Variants in IL13RA1 observed in about 807,000 individuals in gnomAD.
The protein encoded by IL13RA1 is interleukin-13 receptor subunit alpha-1.
Under a neutral mutation model 33.8 loss-of-function variants are expected in IL13RA1, and 14 were observed. The ratio of observed to expected loss-of-function variants is 0.41; its 90% CI spans 0.27 to 0.65. The LOEUF is 0.65. IL13RA1 is among the 30% of genes least tolerant of loss of function. IL13RA1 has a pLI of 0.28. For missense variants in IL13RA1, 313 were observed against 327.0 expected (o/e 0.96, Z 0.33); for synonymous variants, 116 against 115.7 (o/e 1.00, Z -0.02).
At chrX:118,752,893 TAAG>T (rs1473799092) in intron 4 of IL13RA1, among the ~76,000 whole-genome samples, 2 of 112,099 alleles carry the variant, frequency 1.8e-5, no homozygotes, top group East Asian at 2.8e-4. Context: ...TAAGCCTTAC[TAAG>T]AAGGAGTAGC....
chrX:118,727,791 A>C (rs1345911929), intron 1 of IL13RA1, 65 bp downstream of exon 1: 1 of 521,771 alleles, frequency 1.9e-6, no homozygotes, highest in African/African-American at 2.5e-5. Context: ...GTCACGGCTG[A>C]AAGGCCCCGG....
In IL13RA1 at chrX:118,773,956, C is replaced by G; in HGVS notation, c.1087C>G (p.Leu363Val). 1 of 1,010,928 alleles carries G rather than the reference C, an allele frequency of 9.9e-7. No homozygotes were observed. The highest frequency in any genetic ancestry group is 2.5e-4 in the Middle Eastern group (1 of 3,954). 83.3% of individuals were successfully genotyped at this position (1,010,928 alleles called of 1,213,427 possible). A position where few individuals can be genotyped will look rare whatever the true frequency, so the allele number is the denominator to read the frequency against. The change falls in exon 9 of 11, where the codon CTC becomes GTC. Residue 363 changes from leucine to valine, a missense_variant. Transcript: ENST00000371666. ...CATCGTCGCAGGTGCAATCATAGTA[C>G]TCCTGCTTTACCTAAAAAGGTAAGG... ...PVIVAGAIIV[L>V]LLYLKRLKII...
intron 10 of IL13RA1, 30 bp downstream of exon 10, chrX:118,776,541 G>GTTTTTTTTT (rs5903529): frequency 1.8e-5 from 4 of 219,756 alleles, no homozygotes; most frequent in Middle Eastern, 1.4e-3. Flanking sequence ...GGCTTGAAAT[G>GTTTTTTTTT]TTTTTTTTTT....
At chrX:118,757,454 G>A (rs1452520847) in intron 4 of IL13RA1, among the ~76,000 whole-genome samples, 2 of 103,179 alleles carry the variant, frequency 1.9e-5, no homozygotes, top group Non-Finnish European at 3.9e-5. Flanking sequence ...AACTCGGGAG[G>A]CGGAGGCTGC....
intron 3 of IL13RA1, 64 bp from the exon 4 acceptor site, chrX:118,749,594 A>G: frequency 9.2e-7 from 1 of 1,081,532 alleles, no homozygotes; most frequent in Non-Finnish European, 1.3e-6. Flanking sequence ...CATGCCAAAG[A>G]GTGATTTGCT....
intron 9 of IL13RA1, among the ~76,000 whole-genome samples, chrX:118,776,133 G>A (rs1412246266): frequency 2.7e-5 from 3 of 111,806 alleles, no homozygotes; most frequent in African/African-American, 6.5e-5. Flanking sequence ...CAGAGCAAGC[G>A]CCCATCTGGT....
intron 8 of IL13RA1, among the ~76,000 whole-genome samples, chrX:118,769,442 T>G (rs1441014941): frequency 8.9e-6 from 1 of 112,615 alleles, no homozygotes; most frequent in Non-Finnish European, 1.9e-5. Context: ...CTTTCTCATC[T>G]GCTTAAATGG....
intron 10 of IL13RA1, among the ~76,000 whole-genome samples, chrX:118,784,805 G>A (rs755877063): frequency 6.1e-4 from 68 of 111,776 alleles, no homozygotes; most frequent in Non-Finnish European, 1.0e-3. Context: ...CCTGCGTTGC[G>A]TATCTTAAAT....
At chrX:118,775,243 C>G (rs1385319176) in intron 9 of IL13RA1, among the ~76,000 whole-genome samples, 1 of 111,268 alleles carries the variant, frequency 9.0e-6, no homozygotes, top group East Asian at 2.8e-4. Context: ...GCAAAGTCCC[C>G]AAGGCTGAAA....
At chrX:118,730,931 T>C (rs766237387) in intron 1 of IL13RA1, among the ~76,000 whole-genome samples, 1 of 112,527 alleles carries the variant, frequency 8.9e-6, no homozygotes, top group South Asian at 3.7e-4. Context: ...ATGACTCATA[T>C]ATGACTCTTG....
chrX:118,789,414 TATG>T (rs1435282383), intron 10 of IL13RA1, among the ~76,000 whole-genome samples: 6 of 112,229 alleles, frequency 5.3e-5, no homozygotes, highest in Non-Finnish European at 9.4e-5. Context: ...CTTTTGCCAA[TATG>T]ATATTACCTA....
intron 10 of IL13RA1, among the ~76,000 whole-genome samples, chrX:118,782,614 T>C (rs1307441394): frequency 9.1e-6 from 1 of 110,318 alleles, no homozygotes; most frequent in African/African-American, 3.3e-5. Flanking sequence ...CTTTTTTTTT[T>C]TGAGACAGCG....
At chrX:118,754,492 C>G (rs892964900) in intron 4 of IL13RA1, among the ~76,000 whole-genome samples, 15 of 109,599 alleles carry the variant, frequency 1.4e-4, no homozygotes, top group African/African-American at 3.3e-4. Context: ...AAAAAAATAG[C>G]CAGGCGTGGT....
chrX:118,751,741 T>A (rs991980527), intron 4 of IL13RA1, among the ~76,000 whole-genome samples: 1 of 110,600 alleles, frequency 9.0e-6, no homozygotes, highest in Non-Finnish European at 1.9e-5. Context: ...TGTTAAGACT[T>A]CTTCTGAGAG....
At chrX:118,772,822 TGTTA>T (rs765551721) in intron 8 of IL13RA1, among the ~76,000 whole-genome samples, 3 of 112,503 alleles carry the variant, frequency 2.7e-5, no homozygotes, top group South Asian at 3.6e-4. Flanking sequence ...TAGTTTAGTC[TGTTA>T]GTTCTCTGAA....
chrX:118,732,118 A>C (rs2017228183), intron 1 of IL13RA1, among the ~76,000 whole-genome samples: 1 of 111,158 alleles, frequency 9.0e-6, no homozygotes, highest in African/African-American at 3.3e-5. Flanking sequence ...ATACATTCAT[A>C]ATGCTGTGCA....
At position 118,770,446 on chromosome X, in the gene IL13RA1, A is replaced by G. The variant is rs754237198; in HGVS notation, c.1010-3433A>G. The G allele has an allele frequency of 7.3e-6, 3 of 410,138 alleles. No homozygotes were observed. In the Admixed American group the frequency reaches 8.5e-5, roughly 12 times the overall value. 33.8% of individuals were successfully genotyped at this position (410,138 alleles called of 1,213,427 possible). On this transcript the variant is annotated intron_variant, in intron 8 of 10. Coordinates refer to ENST00000371666, the MANE Select transcript of IL13RA1 (RefSeq NM_001560.3). Reference sequence around the variant, plus strand: ...CAGCCTGGCACTGGCCTTCCATGGCACAGCACCCCTGCCCAACTGGCGCTG... The same window carrying G: ...CAGCCTGGCACTGGCCTTCCATGGCGCAGCACCCCTGCCCAACTGGCGCTG...
intron 8 of IL13RA1, among the ~76,000 whole-genome samples, chrX:118,773,336 C>CA (rs2017745371): frequency 1.8e-5 from 2 of 111,489 alleles, no homozygotes; most frequent in South Asian, 7.5e-4. Context: ...ACTAAAAATA[C>CA]AAAAATTAAC....
chrX:118,728,799 C>T (rs1603205764), intron 1 of IL13RA1, among the ~76,000 whole-genome samples: 1 of 111,167 alleles, frequency 9.0e-6, no homozygotes, highest in African/African-American at 3.3e-5. Flanking sequence ...GAGGTGCCTG[C>T]CCTCAGACAT....
Sources: allele counts gnomAD v4.1 joint callset (sites outside exome capture counted in the v4.1 genomes callset), GRCh38; gene constraint gnomAD v4.1.1; transcripts MANE v1.5; gene names NCBI Gene and HGNC (gene_info 2026-07-23, HGNC 2026-07-21).